CCDC14: variants seen among roughly 807,000 people sequenced by gnomAD.
The protein encoded by CCDC14 is coiled-coil domain containing 14, also known as coiled-coil domain-containing protein 14.
In CCDC14, 71 loss-of-function variants were observed where a neutral mutation model predicts 81.4. That is an observed-to-expected ratio of 0.87 (90% CI 0.72 to 1.06). The LOEUF is 1.06. Among genes scored for constraint, CCDC14 ranks in the 50% least tolerant of loss-of-function variants. The pLI is 0.00. For missense variants in CCDC14, 1,046 were observed against 1,047.3 expected, an observed-to-expected ratio of 1.00 and a Z score of 0.02; for synonymous variants, 332 against 364.8, an observed-to-expected ratio of 0.91 and a Z score of 1.03.
In CCDC14 at chr3:123,913,906, G is replaced by C. The variant is rs1183834960; in HGVS notation, c.*873C>G. The C allele has an allele frequency of 1.0e-6, 1 of 985,160 alleles. No homozygotes were observed. Among genetic ancestry groups the C allele is most frequent in the Non-Finnish European group, 1.2e-6 (1 of 829,728 alleles). 61.0% of individuals were successfully genotyped at this position (985,160 alleles called of 1,614,324 possible). On this transcript the variant is annotated 3_prime_UTR_variant, in exon 13 of 13. Coordinates refer to ENST00000409697, the MANE Select transcript of CCDC14 (RefSeq NM_001366335.1). The stretch of plus-strand genomic sequence containing the variant: ...AAGTCCTGGTATAGAGAAGCAGAGA[G>C]ACCAACCTACTTCATATTATTTATA...
chr3:123,915,736 G>A lies in CCDC14; in HGVS notation c.1779-18C>T. The A allele has an allele frequency of 1.3e-6, 2 of 1,525,392 alleles. No homozygotes were observed. The highest frequency in any genetic ancestry group is 1.8e-6 in the Non-Finnish European group (2 of 1,126,210). The allele number at this position is 1,525,392 out of a possible 1,614,324, so 94.5% of individuals were successfully genotyped here. ...GTAAAGTTCTGTTAAGAAGAATCCA[G>A]AACACTAATTATTATTTTTTACCTG... On this transcript the variant is annotated intron_variant, in intron 12 of 12. Transcript: ENST00000409697.
chr3:123,940,844 G>A (rs2036312758), intron 9 of CCDC14, among the ~76,000 whole-genome samples: 1 of 151,892 alleles, frequency 6.6e-6, no homozygotes, highest in Middle Eastern at 3.2e-3. Flanking sequence ...AACTCAGCAG[G>A]TCTAAATCTT....
intron 5 of CCDC14, among the ~76,000 whole-genome samples, chr3:123,900,227 G>C (rs971544552): frequency 6.6e-6 from 1 of 152,128 alleles, no homozygotes; most frequent in African/African-American, 2.4e-5. Flanking sequence ...ATTTTTAAGA[G>C]AGAAAGAAAA....
In CCDC14 at chr3:123,913,468, A is replaced by G. The variant is rs1475510180; in HGVS notation, c.*1311T>C. The G allele has an allele frequency of 5.2e-5, 51 of 980,610 alleles. No individual in the cohort carries two copies. The highest frequency in any genetic ancestry group is 6.1e-5 in the Non-Finnish European group (50 of 825,754). The allele number at this position is 980,610 out of a possible 1,614,324, so 60.7% of individuals were successfully genotyped here. A position where few individuals can be genotyped will look rare whatever the true frequency, so the allele number is the denominator to read the frequency against. On this transcript the variant is annotated 3_prime_UTR_variant, in exon 13 of 13. Coordinates refer to ENST00000409697, the MANE Select transcript of CCDC14 (RefSeq NM_001366335.1). Reference sequence around the variant, plus strand: ...TTTTATTTCTGAACTTATTTGTTAAAGAGTTGTGGCCTATTACCTCCAAAT... The same window carrying G: ...TTTTATTTCTGAACTTATTTGTTAAGGAGTTGTGGCCTATTACCTCCAAAT...
At chr3:123,929,205 C>T (rs1012235829) in intron 12 of CCDC14, among the ~76,000 whole-genome samples, 3 of 152,156 alleles carry the variant, frequency 2.0e-5, no homozygotes, top group Admixed American at 6.6e-5. Flanking sequence ...CTTGACCATG[C>T]TGACTCACTA....
intron 9 of CCDC14, among the ~76,000 whole-genome samples, chr3:123,939,372 T>G (rs748833316): frequency 6.6e-6 from 1 of 151,582 alleles, no homozygotes; most frequent in Non-Finnish European, 1.5e-5. Flanking sequence ...TTAACCAGCA[T>G]ATGTGTTGGT....
chr3:123,888,686 G>A, the CCDC14 span, among the ~76,000 whole-genome samples: 4 of 152,308 alleles, frequency 2.6e-5, no homozygotes, highest in East Asian at 7.7e-4. Flanking sequence ...ATAGTGGCAG[G>A]AGAAAGAGAG....
chr3:123,894,435 T>C (rs1417693440), downstream of CCDC14, among the ~76,000 whole-genome samples: 1 of 152,210 alleles, frequency 6.6e-6, no homozygotes, highest in Non-Finnish European at 1.5e-5. Flanking sequence ...TTTTAGCTAT[T>C]GGGGGCTCTC....
Position 123,915,832 on chromosome 3 carries a change from A to G in CCDC14, c.1779-114T>C, listed in dbSNP as rs139440468. On this transcript the variant is annotated intron_variant, in intron 12 of 12. Transcript: ENST00000409697. ...TTGAGAGAAGTGTCTGGTTCTTAAT[A>G]TGAAAACAAGCAACTAGAAGCACAA... 377 of 775,058 alleles carry G rather than the reference A, an allele frequency of 4.9e-4. 1 individual carries two copies. In the African/African-American group the frequency reaches 5.9e-3, roughly 12 times the overall value. The allele number at this position is 775,058 out of a possible 1,614,324, so 48.0% of individuals were successfully genotyped here.
chr3:123,931,600 TAAAAA>T (rs10573718), intron 10 of CCDC14, 74 bp from the exon 11 acceptor site: 13 of 527,412 alleles, frequency 2.5e-5, no homozygotes, highest in African/African-American at 8.5e-5. Context: ...ACCTGTTTCT[TAAAAA>T]AAAAAAAAAA....
At chr3:123,887,480 C>CAAAA in the CCDC14 span, among the ~76,000 whole-genome samples, 7,142 of 144,940 alleles carry the variant, frequency 0.049, 452 homozygotes, top group East Asian at 0.36. Context: ...ACAACAACAA[C>CAAAA]AAAAAAAAAA....
rs116434296 is a variant in CCDC14 at position 123,938,659 on chromosome 3, G to T, written c.1344-4904C>A. ...TAAACAGAAATAACTATCATTATTTGCTGGATAACATTCATACATTCTCCA... is the reference window on the plus strand; with the variant it reads ...TAAACAGAAATAACTATCATTATTTTCTGGATAACATTCATACATTCTCCA... On this transcript the variant is annotated intron_variant, in intron 9 of 12. Coordinates refer to ENST00000409697, the MANE Select transcript of CCDC14 (RefSeq NM_001366335.1). Among the ~76,000 whole-genome samples the T allele has an allele frequency of 1.4e-3, 212 of 151,942 alleles. 1 individual carries two copies. The highest frequency in any genetic ancestry group is 4.9e-3 in the African/African-American group (203 of 41,484).
intron 12 of CCDC14, among the ~76,000 whole-genome samples, chr3:123,926,484 G>C (rs2148832131): frequency 6.7e-6 from 1 of 149,542 alleles, no homozygotes; most frequent in South Asian, 2.1e-4. Flanking sequence ...GTACTTGTAA[G>C]AATGCTCTTT....
downstream of CCDC14, among the ~76,000 whole-genome samples, chr3:123,910,337 G>A (rs926918536): frequency 2.6e-5 from 4 of 152,144 alleles, no homozygotes; most frequent in South Asian, 4.2e-4. Flanking sequence ...ATGGTCGTCC[G>A]CCTGGATCAG....
At chr3:123,952,973 C>A (rs1254072278) in intron 5 of CCDC14, 2 of 165,864 alleles carry the variant, frequency 1.2e-5, no homozygotes, top group African/African-American at 4.8e-5. Context: ...TAGGTCCTTC[C>A]TTCTGATTAA....
Position 123,947,331 on chromosome 3 carries a change from TA to T in CCDC14, c.685-13del. 1 of 1,590,264 alleles carries T rather than the reference TA, an allele frequency of 6.3e-7. No individual in the cohort carries two copies. The highest frequency in any genetic ancestry group is 8.6e-7 in the Non-Finnish European group (1 of 1,168,068). On this transcript the variant is annotated splice_polypyrimidine_tract_variant and intron_variant, in intron 7 of 12. Transcript: ENST00000409697. ...TCAGTTTGAACTTCCTAAAGAAAGA[TA>T]AAAACAAGTCTTCAGAAGTATGAGC...
At chr3:123,943,475 CCTTT>C (rs2148905921) in intron 9 of CCDC14, among the ~76,000 whole-genome samples, 1 of 152,240 alleles carries the variant, frequency 6.6e-6, no homozygotes, top group African/African-American at 2.4e-5. Flanking sequence ...TCTTCTCCCA[CCTTT>C]CTTACAGCTG....
chr3:123,919,528 G>A (rs1443050950), intron 12 of CCDC14, among the ~76,000 whole-genome samples: 1 of 152,170 alleles, frequency 6.6e-6, no homozygotes, highest in African/African-American at 2.4e-5. Flanking sequence ...AAAGGTGATT[G>A]CAGAGCCCAG....
chr3:123,953,877 G>C (rs2037179837), intron 5 of CCDC14: 1 of 152,130 alleles, frequency 6.6e-6, no homozygotes, highest in African/African-American at 2.4e-5. Flanking sequence ...TCTGCTGCTA[G>C]CACTAGGCTC....
Sources: allele counts gnomAD v4.1 joint callset (sites outside exome capture counted in the v4.1 genomes callset), GRCh38; gene constraint gnomAD v4.1.1; transcripts MANE v1.5; gene names NCBI Gene and HGNC (gene_info 2026-07-23, HGNC 2026-07-21).